CD163L1: variants seen among roughly 807,000 people sequenced by gnomAD.
CD163L1 encodes CD163 molecule like 1.
CD163L1 carries 124 observed loss-of-function variants against 165.4 expected under a neutral mutation model. That is an observed-to-expected ratio of 0.75 (90% CI 0.65 to 0.87). CD163L1 has a LOEUF of 0.87. Among genes scored for constraint, CD163L1 ranks in the 40% least tolerant of loss-of-function variants. The probability of loss-of-function intolerance (pLI) is 0.00; values close to 1 mark genes in which losing one functional copy is unlikely to be tolerated. For synonymous variants in CD163L1, 585 were observed against 662.2 expected, an observed-to-expected ratio of 0.88 and a Z score of 1.79; for missense variants, 1,525 against 1,799.9, an observed-to-expected ratio of 0.85 and a Z score of 2.76.
intron 4 of CD163L1, among the ~76,000 whole-genome samples, chr12:7,423,767 A>G (rs1433844112): frequency 6.6e-6 from 1 of 152,154 alleles, no homozygotes; most frequent in African/African-American, 2.4e-5. Flanking sequence ...CCCCCTCCCA[A>G]GACTAAACCA....
rs79360925 is a variant in CD163L1, at chr12:7,377,295, T to A, written c.2372-1281A>T. The stretch of plus-strand genomic sequence containing the variant: ...CCAGTCATTTTATTTGGAATTTCAT[T>A]CTGTCCCATAAACACTCTGGATTCT... On this transcript the variant is annotated intron_variant, in intron 9 of 19. Coordinates refer to ENST00000313599, the MANE Select transcript of CD163L1 (RefSeq NM_174941.6). Among the ~76,000 whole-genome samples the A allele has an allele frequency of 2.9e-3, 438 of 152,320 alleles. 3 individuals are homozygous for A. The highest frequency in any genetic ancestry group is 0.01 in the African/African-American group (427 of 41,574).
intron 4 of CD163L1, among the ~76,000 whole-genome samples, chr12:7,410,649 G>A (rs1467373443): frequency 6.9e-6 from 1 of 144,000 alleles, no homozygotes; most frequent in Non-Finnish European, 1.5e-5. Context: ...GGCTAATACG[G>A]TGAAACCCCG....
At chr12:7,334,498 A>G in the CD163L1 span, among the ~76,000 whole-genome samples, 1 of 152,206 alleles carries the variant, frequency 6.6e-6, no homozygotes, top group Non-Finnish European at 1.5e-5. Context: ...TCTCAAAATA[A>G]TAAGAGCTAT....
chr12:7,416,172 C>T (rs1218685493), intron 4 of CD163L1, among the ~76,000 whole-genome samples: 1 of 152,134 alleles, frequency 6.6e-6, no homozygotes, highest in East Asian at 1.9e-4. Context: ...TCTCAGACGA[C>T]CAGTGATGAT....
rs773409230 is a variant in CD163L1, at chr12:7,406,566, A to G, written c.1053T>C (p.Cys351=). The G allele has an allele frequency of 2.5e-5, 40 of 1,613,960 alleles. No individual in the cohort carries two copies. In the East Asian group the frequency reaches 7.4e-4, roughly 30 times the overall value. Reference sequence around the variant, plus strand: ...TCACAGACACATCGTTTTGATGAAGACAGTCAAAATTGACGGTTCCGGAAT... The same window carrying G: ...TCACAGACACATCGTTTTGATGAAGGCAGTCAAAATTGACGGTTCCGGAAT... ...CRHSGTVNFD[C]LHQNDVSVIC... Residue 351 remains cysteine (C), a synonymous_variant, in exon 5 of 20, where the codon TGT becomes TGC. Transcript: ENST00000313599.
chr12:7,322,383 C>G, the CD163L1 span: 1 of 1,612,440 alleles, frequency 6.2e-7, no homozygotes, highest in East Asian at 2.2e-5. Flanking sequence ...ACTCAGGTTC[C>G]TCTTGAAAAG....
chr12:7,321,648 C>A, the CD163L1 span, among the ~76,000 whole-genome samples: 2 of 152,176 alleles, frequency 1.3e-5, no homozygotes, highest in Non-Finnish European at 2.9e-5. Context: ...CTACCCACAC[C>A]CTCTGGCCCA....
chr12:7,358,504 C>G (rs773764265), intron 18 of CD163L1, among the ~76,000 whole-genome samples: 4 of 152,200 alleles, frequency 2.6e-5, no homozygotes, highest in African/African-American at 7.2e-5. Context: ...TAAGAACTCA[C>G]TAGGGAGCCC....
intron 4 of CD163L1, among the ~76,000 whole-genome samples, chr12:7,413,454 A>G (rs1948177311): frequency 6.6e-6 from 1 of 152,228 alleles, no homozygotes. Context: ...AATTAGACAC[A>G]CATCCTACCA....
intron 8 of CD163L1, among the ~76,000 whole-genome samples, chr12:7,386,790 A>C (rs966316292): frequency 1.3e-5 from 2 of 152,064 alleles, no homozygotes; most frequent in Admixed American, 1.3e-4. Flanking sequence ...CATAATAAAA[A>C]CTCTCAACAA....
At chr12:7,375,658 C>T in intron 10 of CD163L1, 42 bp downstream of exon 10, 3 of 1,610,844 alleles carry the variant, frequency 1.9e-6, no homozygotes, top group Non-Finnish European at 2.5e-6. Flanking sequence ...CCAAACTCCC[C>T]ATCTCTAGCC....
At chr12:7,325,745 A>G in the CD163L1 span, among the ~76,000 whole-genome samples, 1 of 152,200 alleles carries the variant, frequency 6.6e-6, no homozygotes, top group South Asian at 2.1e-4. Flanking sequence ...GGCAATGACA[A>G]TAATAGCCTT....
intron 18 of CD163L1, 129 bp from the exon 19 acceptor site, chr12:7,357,615 A>G (rs1946804889): frequency 1.7e-6 from 1 of 585,496 alleles, no homozygotes. Flanking sequence ...TACATAAATT[A>G]AGAGCACGCT....
chr12:7,429,227 T>C (rs1034085085), intron 4 of CD163L1, among the ~76,000 whole-genome samples: 6 of 152,082 alleles, frequency 3.9e-5, no homozygotes, highest in Admixed American at 3.9e-4. Context: ...TTAGGGGCTA[T>C]TATGACATTT....
chr12:7,437,307 TAATG>T (rs1008980746), intron 2 of CD163L1, among the ~76,000 whole-genome samples: 16 of 94,368 alleles, frequency 1.7e-4, no homozygotes, highest in African/African-American at 4.7e-4. Context: ...TTTATTTTAT[TAATG>T]AATATTATTT....
intron 14 of CD163L1, 92 bp downstream of exon 14, chr12:7,373,228 G>A: frequency 1.9e-6 from 2 of 1,055,696 alleles, no homozygotes; most frequent in Non-Finnish European, 2.8e-6. Flanking sequence ...CAGTGAGTCT[G>A]CCATGTGCTC....
chr12:7,328,066 G>A, the CD163L1 span, among the ~76,000 whole-genome samples: 3 of 152,138 alleles, frequency 2.0e-5, no homozygotes, highest in African/African-American at 7.2e-5. Flanking sequence ...TTCTGGCAAA[G>A]CATTTCAGTG....
chr12:7,379,905 A>G (rs1463746077), intron 8 of CD163L1, among the ~76,000 whole-genome samples: 1 of 151,854 alleles, frequency 6.6e-6, no homozygotes, highest in African/African-American at 2.4e-5. Flanking sequence ...ATCATCACTA[A>G]TGATCAGGAA....
the CD163L1 span, among the ~76,000 whole-genome samples, chr12:7,330,368 C>G: frequency 6.6e-6 from 1 of 152,164 alleles, no homozygotes; most frequent in South Asian, 2.1e-4. Flanking sequence ...TTTACAGCCC[C>G]TCAATATTCT....
Sources: gnomAD v4.1 joint callset for allele counts (sites outside exome capture counted in the v4.1 genomes callset) on GRCh38, gnomAD v4.1.1 for gene constraint, MANE v1.5 for transcripts, NCBI Gene and HGNC (gene_info 2026-07-23, HGNC 2026-07-21) for gene names.